ROBO2: variants seen among roughly 807,000 people sequenced by gnomAD.
ROBO2 encodes roundabout guidance receptor 2, also known as roundabout homolog 2.
In ROBO2, 53 loss-of-function variants were observed where a neutral mutation model predicts 160.8. The ratio of observed to expected loss-of-function variants is 0.33; its 90% CI spans 0.26 to 0.41. The LOEUF is 0.41. Among genes scored for constraint, ROBO2 ranks in the 10% least tolerant of loss-of-function variants. The pLI, the probability that ROBO2 is intolerant of heterozygous loss-of-function variation, is 1.00. For missense variants in ROBO2, 1,577 were observed against 1,722.4 expected (o/e 0.92, Z 1.49); for synonymous variants, 664 against 611.7 (o/e 1.09, Z -1.26).
chr3:77,321,619 T>G (rs1452161923), intron 2 of ROBO2, among the ~76,000 whole-genome samples: 1 of 152,102 alleles, frequency 6.6e-6, no homozygotes, highest in African/African-American at 2.4e-5. Flanking sequence ...TATTAGAATT[T>G]AAAGGGCACT....
chr3:76,733,147 G>A (rs1484018861), intron 2 of ROBO2, among the ~76,000 whole-genome samples: 2 of 152,048 alleles, frequency 1.3e-5, no homozygotes, highest in African/African-American at 4.8e-5. Context: ...TTACCCATTT[G>A]AACATGAAAA....
At chr3:76,839,621 G>C (rs999943410) in intron 2 of ROBO2, among the ~76,000 whole-genome samples, 1 of 152,154 alleles carries the variant, frequency 6.6e-6, no homozygotes, top group South Asian at 2.1e-4. Flanking sequence ...TTGGCCTGCA[G>C]TTTTCTTTTG....
chr3:77,301,735 A>G (rs28572618), intron 2 of ROBO2, among the ~76,000 whole-genome samples: 54,996 of 152,014 alleles, frequency 0.36, 10,286 homozygotes, highest in Middle Eastern at 0.49. Flanking sequence ...TACTTTAGAA[A>G]CTAACGTTCA....
intron 2 of ROBO2, among the ~76,000 whole-genome samples, chr3:77,030,106 G>A (rs1023075214): frequency 4.6e-5 from 7 of 151,962 alleles, no homozygotes; most frequent in Non-Finnish European, 5.9e-5. Context: ...CACCACGCCC[G>A]GCTAATTTTC....
rs140051196 is a variant in ROBO2, at chr3:77,392,586, G to A, written c.389-84828G>A. Among the ~76,000 whole-genome samples, 135 of 152,226 alleles carry A rather than the reference G, an allele frequency of 8.9e-4. 1 individual carries two copies. Among genetic ancestry groups the A allele is most frequent in the African/African-American group, 3.1e-3 (130 of 41,532 alleles). The stretch of plus-strand genomic sequence containing the variant: ...TATTTGCAATTGCAGTAATAAATAT[G>A]TGTTCTACACTTTTTTAATCACTTG... On this transcript the variant is annotated intron_variant, in intron 2 of 25. Transcript: ENST00000461745.
At chr3:76,093,385 A>G (rs2069309858) in intron 2 of ROBO2, among the ~76,000 whole-genome samples, 1 of 151,684 alleles carries the variant, frequency 6.6e-6, no homozygotes, top group African/African-American at 2.4e-5. Flanking sequence ...TATTCATACA[A>G]TTTTCTTTCT....
intron 2 of ROBO2, among the ~76,000 whole-genome samples, chr3:77,323,128 A>T (rs891378675): frequency 6.9e-6 from 1 of 145,490 alleles, no homozygotes; most frequent in Non-Finnish European, 1.5e-5. Flanking sequence ...TTACAATTAT[A>T]AAAAAAGTGT....
intron 2 of ROBO2, among the ~76,000 whole-genome samples, chr3:76,394,953 A>G (rs2077353319): frequency 6.6e-6 from 1 of 152,134 alleles, no homozygotes. Flanking sequence ...CAGGAACTGA[A>G]CTCAGCTCTG....
At chr3:77,574,684 C>T in exon 14 of ROBO2, 1 of 1,613,074 alleles carries the variant, frequency 6.2e-7, no homozygotes, top group Non-Finnish European at 8.5e-7. Context: ...TTAATGAGTT[C>T]CAAGGAATGG....
chr3:76,827,400 G>C (rs1018157143), intron 2 of ROBO2, among the ~76,000 whole-genome samples: 17 of 152,194 alleles, frequency 1.1e-4, no homozygotes, highest in African/African-American at 4.1e-4. Flanking sequence ...TGATTCATTT[G>C]TTTTCTCCCC....
In ROBO2 at chr3:76,599,948, T is replaced by C. The variant is rs147046852; in HGVS notation, c.110-498066T>C. Among the ~76,000 whole-genome samples, 383 of 152,352 alleles carry C rather than the reference T, an allele frequency of 2.5e-3. 1 individual carries two copies. The highest frequency in any genetic ancestry group is 3.6e-3 in the Non-Finnish European group (244 of 68,026). ...CTTATAGATGCTAAATATTAGACCTTTGTCATGTGCATAGTTCTCAAATAG... is the reference window on the plus strand; with the variant it reads ...CTTATAGATGCTAAATATTAGACCTCTGTCATGTGCATAGTTCTCAAATAG... On this transcript the variant is annotated intron_variant, in intron 2 of 26. Transcript: ENST00000487694.
intron 2 of ROBO2, among the ~76,000 whole-genome samples, chr3:76,469,842 C>T (rs796549974): frequency 6.6e-6 from 1 of 152,134 alleles, no homozygotes; most frequent in African/African-American, 2.4e-5. Context: ...ATTTTGTCTT[C>T]TCTCACTACA....
chr3:77,410,742 T>TCCTC (rs2076724029), intron 2 of ROBO2, among the ~76,000 whole-genome samples: 3 of 78,306 alleles, frequency 3.8e-5, no homozygotes, highest in Non-Finnish European at 5.5e-5. Flanking sequence ...TTCCTCCTCC[T>TCCTC]TTTCCTCCTC....
intron 1 of ROBO2, among the ~76,000 whole-genome samples, chr3:77,057,240 T>A (rs2065844648): frequency 6.6e-6 from 1 of 152,120 alleles, no homozygotes; most frequent in Admixed American, 6.5e-5. Flanking sequence ...ATGTTCTCAC[T>A]CATAGGTGGG....
intron 2 of ROBO2, among the ~76,000 whole-genome samples, chr3:76,319,644 G>A (rs2072346446): frequency 6.6e-6 from 1 of 151,686 alleles, no homozygotes; most frequent in Non-Finnish European, 1.5e-5. Context: ...TTAGGGTAAT[G>A]TTGAGTAAGC....
chr3:76,534,886 G>C lies in ROBO2; in HGVS notation c.110-563128G>C, dbSNP rs187297745. Among the ~76,000 whole-genome samples, 410 of 152,136 alleles carry C rather than the reference G, an allele frequency of 2.7e-3. 1 individual carries two copies. The highest frequency in any genetic ancestry group is 9.4e-3 in the African/African-American group (391 of 41,470). ...GATGGTTTTAAGGATGGATTTCCAT[G>C]ATGGGAAGGAAATGGGCTGTAAAGA... On this transcript the variant is annotated intron_variant, in intron 2 of 26. Coordinates refer to the ROBO2 transcript ENST00000487694.
At chr3:77,130,880 G>T (rs1463557220) in intron 2 of ROBO2, among the ~76,000 whole-genome samples, 1 of 152,064 alleles carries the variant, frequency 6.6e-6, no homozygotes, top group African/African-American at 2.4e-5. Flanking sequence ...ATTTATATAT[G>T]AATTATTTTG....
intron 1 of ROBO2, among the ~76,000 whole-genome samples, chr3:75,917,507 G>A (rs572978741): frequency 6.6e-6 from 1 of 152,298 alleles, no homozygotes; most frequent in African/African-American, 2.4e-5. Flanking sequence ...ACGTGTACAT[G>A]TGTCTTTATA....
At chr3:77,521,963 A>C (rs1026686199) in intron 5 of ROBO2, among the ~76,000 whole-genome samples, 1 of 151,106 alleles carries the variant, frequency 6.6e-6, no homozygotes, top group African/African-American at 2.4e-5. Flanking sequence ...CTATTGCAAA[A>C]TGTGTGTTTG....
Sources: gnomAD v4.1 joint callset for allele counts (sites outside exome capture counted in the v4.1 genomes callset) on GRCh38, gnomAD v4.1.1 for gene constraint, MANE v1.5 for transcripts, NCBI Gene and HGNC (gene_info 2026-07-23, HGNC 2026-07-21) for gene names.